ACTL8: variants seen among roughly 807,000 people sequenced by gnomAD.
The protein encoded by ACTL8 is actin-like protein 8.
ACTL8 carries 3 observed loss-of-function variants against 9.3 expected under a neutral mutation model. The observed-to-expected ratio is 0.32, with a 90% CI of 0.15 to 0.83. The LOEUF (loss-of-function observed/expected upper bound fraction) is 0.83. ACTL8 is among the 40% of genes least tolerant of loss of function. The probability of loss-of-function intolerance (pLI) is 0.57; values close to 1 mark genes in which losing one functional copy is unlikely to be tolerated. For missense variants in ACTL8, 381 were observed against 492.2 expected (o/e 0.77, Z 2.14); for synonymous variants, 224 against 205.9 (o/e 1.09, Z -0.75).
chr1:17,774,622 G>A (rs1331798874), intron 1 of ACTL8, among the ~76,000 whole-genome samples: 2 of 152,140 alleles, frequency 1.3e-5, no homozygotes, highest in African/African-American at 4.8e-5. Flanking sequence ...AGGTGCAAAG[G>A]TCCTGGGGTA....
chr1:17,805,144 G>A (rs1003806478), intron 1 of ACTL8, among the ~76,000 whole-genome samples: 1 of 152,038 alleles, frequency 6.6e-6, no homozygotes, highest in African/African-American at 2.4e-5. Flanking sequence ...ACACGGGGAA[G>A]CACCCACTTC....
At chr1:17,766,386 G>C (rs1421285850) in intron 1 of ACTL8, among the ~76,000 whole-genome samples, 1 of 152,132 alleles carries the variant, frequency 6.6e-6, no homozygotes, top group African/African-American at 2.4e-5. Flanking sequence ...CGTATGAGTG[G>C]CAGAGCCTGG....
chr1:17,757,257 TAAGGAAGTTC>T (rs71018039), intron 1 of ACTL8, among the ~76,000 whole-genome samples: 50,347 of 151,830 alleles, frequency 0.33, 9,497 homozygotes, highest in East Asian at 0.52. Context: ...TGGCAGCCCT[TAAGGAAGTTC>T]TTATTTCTTG....
chr1:17,794,828 C>A (rs1178787923), intron 1 of ACTL8, among the ~76,000 whole-genome samples: 3 of 152,158 alleles, frequency 2.0e-5, no homozygotes, highest in Non-Finnish European at 4.4e-5. Flanking sequence ...TAAAGAAAAG[C>A]ACCTTTGAAA....
At chr1:17,766,148 G>A (rs1054068032) in intron 1 of ACTL8, among the ~76,000 whole-genome samples, 2 of 152,198 alleles carry the variant, frequency 1.3e-5, no homozygotes, top group African/African-American at 2.4e-5. Context: ...GGTGCTCCAC[G>A]GCTGTGATGG....
chr1:17,823,031 T>C lies in ACTL8; in HGVS notation c.23T>C (p.Ile8Thr), dbSNP rs977155836. The C allele has an allele frequency of 6.2e-7, 1 of 1,614,078 alleles. No homozygotes were observed. The highest frequency in any genetic ancestry group is 8.5e-7 in the Non-Finnish European group (1 of 1,180,008). Residue 8 changes from isoleucine (I) to threonine (T), a missense_variant, in exon 2 of 3, where the codon ATT becomes ACT. Coordinates refer to ENST00000375406, the MANE Select transcript of ACTL8 (RefSeq NM_030812.3). The surrounding 1 kb of genome is among the most constrained non-coding windows in gnomAD (Gnocchi z 5.3). MAARTVI[I>T]DHGSGFLKAG... ...GCCATGGCTGCAAGAACCGTTATCA[T>C]TGACCACGGGTCTGGCTTTTTGAAG...
At chr1:17,808,189 T>A (rs1240116621) in intron 1 of ACTL8, among the ~76,000 whole-genome samples, 2 of 152,180 alleles carry the variant, frequency 1.3e-5, no homozygotes, top group Admixed American at 6.5e-5. Context: ...GGAGTCTTGA[T>A]GAGCAAACTC....
intron 1 of ACTL8, among the ~76,000 whole-genome samples, chr1:17,803,275 T>A (rs570533504): frequency 1.3e-5 from 2 of 152,190 alleles, no homozygotes; most frequent in East Asian, 3.9e-4. Context: ...CTTTCCACCA[T>A]GATTGTAAGT....
At chr1:17,774,465 G>A (rs1421447777) in intron 1 of ACTL8, among the ~76,000 whole-genome samples, 2 of 152,022 alleles carry the variant, frequency 1.3e-5, no homozygotes, top group African/African-American at 2.4e-5. Flanking sequence ...GGGGGTAGGG[G>A]GTGTTTAGGG....
At chr1:17,806,810 C>T (rs2066362941) in intron 1 of ACTL8, among the ~76,000 whole-genome samples, 1 of 152,238 alleles carries the variant, frequency 6.6e-6, no homozygotes, top group Non-Finnish European at 1.5e-5. Context: ...TTTGCATCTG[C>T]ATGAATCTGC....
intron 1 of ACTL8, among the ~76,000 whole-genome samples, chr1:17,768,672 C>G (rs1308751398): frequency 6.6e-6 from 1 of 152,154 alleles, no homozygotes; most frequent in African/African-American, 2.4e-5. Context: ...CCGGCTGGGC[C>G]TCTAGGGCTG....
chr1:17,779,037 C>G (rs1352122720), intron 1 of ACTL8, among the ~76,000 whole-genome samples: 1 of 152,132 alleles, frequency 6.6e-6, no homozygotes, highest in Non-Finnish European at 1.5e-5. Context: ...AGAAATGTCC[C>G]CGTCCCTGGC....
intron 1 of ACTL8, among the ~76,000 whole-genome samples, chr1:17,782,197 C>G (rs2066160723): frequency 6.6e-6 from 1 of 151,916 alleles, no homozygotes; most frequent in African/African-American, 2.4e-5. Context: ...GGGTACCTTG[C>G]TAGAGGAGAA....
chr1:17,780,341 G>C (rs2066145956), intron 1 of ACTL8, among the ~76,000 whole-genome samples: 1 of 152,182 alleles, frequency 6.6e-6, no homozygotes, highest in African/African-American at 2.4e-5. Context: ...CTCAGAGAGG[G>C]CTGGGGCCTT....
chr1:17,780,262 A>T (rs1161098404), intron 1 of ACTL8, among the ~76,000 whole-genome samples: 1 of 152,176 alleles, frequency 6.6e-6, no homozygotes, highest in Non-Finnish European at 1.5e-5. Context: ...GGCTTGTAGC[A>T]AAGAAGTGGC....
At chr1:17,802,294 A>G (rs925549713) in intron 1 of ACTL8, among the ~76,000 whole-genome samples, 1 of 152,016 alleles carries the variant, frequency 6.6e-6, no homozygotes, top group African/African-American at 2.4e-5. Context: ...GTTTGTTTCT[A>G]TGAAGTTGAG....
intron 1 of ACTL8, among the ~76,000 whole-genome samples, chr1:17,764,393 G>T (rs377170659): frequency 1.3e-5 from 2 of 152,178 alleles, no homozygotes; most frequent in South Asian, 2.1e-4. Flanking sequence ...AGCCAGGGGG[G>T]ACTGGTCATA....
chr1:17,782,593 T>G (rs1047386228), intron 1 of ACTL8, among the ~76,000 whole-genome samples: 1 of 152,222 alleles, frequency 6.6e-6, no homozygotes, highest in Non-Finnish European at 1.5e-5. Flanking sequence ...AACTCACATT[T>G]TCACGTGAAG....
intron 1 of ACTL8, among the ~76,000 whole-genome samples, chr1:17,777,307 G>T (rs886246964): frequency 6.6e-6 from 1 of 152,114 alleles, no homozygotes; most frequent in African/African-American, 2.4e-5. Context: ...TTACATCGTA[G>T]AAATGCTACT....
Sources: gnomAD v4.1 joint callset for allele counts (sites outside exome capture counted in the v4.1 genomes callset) on GRCh38, gnomAD v4.1.1 for gene constraint, Gnocchi (gnomAD v3.1) non-coding constraint, MANE v1.5 for transcripts, NCBI Gene and HGNC (gene_info 2026-07-23, HGNC 2026-07-21) for gene names.